The following PPP3CA variants were observed in gnomAD, a reference collection of about 807,000 sequenced individuals.
PPP3CA encodes the protein CAM-PRP catalytic subunit.
In PPP3CA, 14 loss-of-function variants were observed where a neutral mutation model predicts 66.5. That is an observed-to-expected ratio of 0.21 (90% CI 0.14 to 0.33). The LOEUF is 0.33. Ranked by LOEUF, PPP3CA falls within the 10% of genes least tolerant of loss-of-function variation. The pLI, the probability that PPP3CA is intolerant of heterozygous loss-of-function variation, is 1.00. For missense variants in PPP3CA, 317 were observed against 639.5 expected, an observed-to-expected ratio of 0.50 and a Z score of 5.44; for synonymous variants, 232 against 226.2, an observed-to-expected ratio of 1.03 and a Z score of -0.23.
intron 1 of PPP3CA, among the ~76,000 whole-genome samples, chr4:101,311,353 C>T (rs1347304829): frequency 2.0e-5 from 3 of 152,134 alleles, no homozygotes; most frequent in Admixed American, 2.0e-4. Flanking sequence ...AGTATTATCC[C>T]TATTTATCTA....
intron 1 of PPP3CA, among the ~76,000 whole-genome samples, chr4:101,265,151 C>T (rs964621437): frequency 5.9e-5 from 9 of 152,178 alleles, no homozygotes; most frequent in Non-Finnish European, 1.0e-4. Context: ...CAGAGTCTCC[C>T]TCTGTCACCC....
chr4:101,269,645 T>C (rs1323738341), intron 1 of PPP3CA, among the ~76,000 whole-genome samples: 1 of 151,738 alleles, frequency 6.6e-6, no homozygotes. Flanking sequence ...CATCTTGGTA[T>C]TAATAGGCAT....
rs573196358 is a variant in PPP3CA, at chr4:101,249,558, G to C, written c.59-53442C>G. Among the ~76,000 whole-genome samples, 210 of 152,080 alleles carry C rather than the reference G, an allele frequency of 1.4e-3. No individual in the cohort carries two copies. The Middle Eastern group carries it at 0.024, about 17-fold the overall frequency. ...TCAAAAAAAAAGTATTGAACATAAG[G>C]AGTTAATATTTTGTGAGGGTAAAAT... On this transcript the variant is annotated intron_variant, in intron 1 of 13. Transcript: ENST00000394854.
At chr4:101,110,950 T>TATA (rs77256873) in intron 2 of PPP3CA, among the ~76,000 whole-genome samples, 84,986 of 151,906 alleles carry the variant, frequency 0.56, 26,499 homozygotes, top group African/African-American at 0.84. Context: ...TGTGTGTACA[T>TATA]ATAAGATATG....
At chr4:101,092,083 G>A (rs963140420) in intron 6 of PPP3CA, among the ~76,000 whole-genome samples, 7 of 152,006 alleles carry the variant, frequency 4.6e-5, no homozygotes, top group African/African-American at 1.4e-4. Flanking sequence ...GTGAGGTCAT[G>A]CAGAAACCTA....
At chr4:101,248,192 T>C (rs1215333957) in intron 1 of PPP3CA, among the ~76,000 whole-genome samples, 5 of 152,164 alleles carry the variant, frequency 3.3e-5, no homozygotes, top group Admixed American at 6.5e-5. Flanking sequence ...GTCTCTAACA[T>C]CCTATGACTA....
intron 9 of PPP3CA, 65 bp from the exon 10 acceptor site, chr4:101,061,226 G>T (rs1728448913): frequency 2.2e-6 from 3 of 1,385,878 alleles, no homozygotes; most frequent in Non-Finnish European, 3.1e-6. Flanking sequence ...TATTACTCTG[G>T]CATTGTTAAT....
chr4:101,136,945 T>C lies in PPP3CA; in HGVS notation c.260-27867A>G, dbSNP rs141174276. 2.7e-3 allele frequency among the ~76,000 whole-genome samples: 417 copies of C among 152,254 alleles called. 1 individual carries two copies. Among genetic ancestry groups the C allele is most frequent in the African/African-American group, 9.7e-3 (404 of 41,548 alleles). ...AACTCAAAGAGACAATATAAACAGC[T>C]ATAACTGAGTTCGTGCATGAGCGGG... On this transcript the variant is annotated intron_variant, in intron 2 of 13. Transcript: ENST00000394854.
intron 11 of PPP3CA, among the ~76,000 whole-genome samples, chr4:101,039,058 G>A (rs975852787): frequency 1.9e-5 from 2 of 106,504 alleles, no homozygotes; most frequent in African/African-American, 6.3e-5. Flanking sequence ...ATAAACAAGT[G>A]TTTACTCAGA....
At chr4:101,272,387 A>G (rs756558498) in intron 1 of PPP3CA, among the ~76,000 whole-genome samples, 9 of 152,214 alleles carry the variant, frequency 5.9e-5, no homozygotes, top group Non-Finnish European at 1.2e-4. Context: ...TAACCCCCAA[A>G]GCCTGGATAA....
At chr4:101,175,656 A>G (rs1413465524) in intron 2 of PPP3CA, among the ~76,000 whole-genome samples, 2 of 152,168 alleles carry the variant, frequency 1.3e-5, no homozygotes, top group Admixed American at 6.6e-5. Flanking sequence ...GCTGTATACC[A>G]TATTAAAAGA....
At chr4:101,262,762 ATG>A (rs1727048224) in intron 1 of PPP3CA, among the ~76,000 whole-genome samples, 1 of 152,168 alleles carries the variant, frequency 6.6e-6, no homozygotes, top group East Asian at 1.9e-4. Flanking sequence ...AATCAGAAAA[ATG>A]TGTGTCAAGC....
At chr4:101,245,339 A>G (rs1726443427) in intron 1 of PPP3CA, among the ~76,000 whole-genome samples, 2 of 152,198 alleles carry the variant, frequency 1.3e-5, no homozygotes, top group Admixed American at 6.5e-5. Flanking sequence ...CCTCAAACAG[A>G]GCATCAAGGG....
At chr4:101,137,452 C>A (rs995613063) in intron 2 of PPP3CA, among the ~76,000 whole-genome samples, 2 of 152,014 alleles carry the variant, frequency 1.3e-5, no homozygotes, top group African/African-American at 4.8e-5. Flanking sequence ...AGGTGTCATG[C>A]TCGGTGTGAG....
intron 6 of PPP3CA, among the ~76,000 whole-genome samples, chr4:101,085,775 G>A (rs1399330557): frequency 6.6e-6 from 1 of 151,726 alleles, no homozygotes; most frequent in Admixed American, 6.6e-5. Flanking sequence ...CCACTTTTAT[G>A]CTTTTTAATG....
intron 13 of PPP3CA, among the ~76,000 whole-genome samples, chr4:101,026,985 A>T (rs1726684121): frequency 6.6e-6 from 1 of 152,244 alleles, no homozygotes; most frequent in Non-Finnish European, 1.5e-5. Context: ...AGTGGGAATG[A>T]TATTTGATTT....
At chr4:101,159,519 AT>A (rs34999825) in intron 2 of PPP3CA, among the ~76,000 whole-genome samples, 2 of 152,138 alleles carry the variant, frequency 1.3e-5, no homozygotes, top group African/African-American at 4.8e-5. Context: ...ACTGTGACAG[AT>A]TTTTTACCAG....
At chr4:101,241,611 G>A (rs541317642) in intron 1 of PPP3CA, among the ~76,000 whole-genome samples, 1 of 151,794 alleles carries the variant, frequency 6.6e-6, no homozygotes, top group African/African-American at 2.4e-5. Context: ...TATTTTCCAG[G>A]TCCTGTTTTA....
intron 1 of PPP3CA, among the ~76,000 whole-genome samples, chr4:101,243,912 C>T (rs1726393589): frequency 6.6e-6 from 1 of 152,112 alleles, no homozygotes; most frequent in Admixed American, 6.6e-5. Flanking sequence ...CAGTTCAAAA[C>T]TATTAAGTCT....
Sources: allele counts gnomAD v4.1 joint callset (sites outside exome capture counted in the v4.1 genomes callset), GRCh38; gene constraint gnomAD v4.1.1; transcripts MANE v1.5; gene names NCBI Gene and HGNC (gene_info 2026-07-23, HGNC 2026-07-21).